RSPO2: variants seen among roughly 807,000 people sequenced by gnomAD.
The protein encoded by RSPO2 is R-spondin-2.
Under a neutral mutation model 30.9 loss-of-function variants are expected in RSPO2, and 14 were observed. The ratio of observed to expected loss-of-function variants is 0.45; its 90% CI spans 0.30 to 0.71. RSPO2 has a LOEUF of 0.71. Among genes scored for constraint, RSPO2 ranks in the 30% least tolerant of loss-of-function variants. The pLI is 0.08. For missense variants in RSPO2, 264 were observed against 301.9 expected (o/e 0.87, Z 0.93); for synonymous variants, 107 against 96.4 (o/e 1.11, Z -0.64).
At chr8:108,037,019 T>G (rs536570865) in intron 2 of RSPO2, among the ~76,000 whole-genome samples, 1 of 152,274 alleles carries the variant, frequency 6.6e-6, no homozygotes, top group Non-Finnish European at 1.5e-5. Flanking sequence ...TGCCCTGTGG[T>G]ACAACAATAT....
At chr8:108,063,398 G>C (rs1336777302) in intron 2 of RSPO2, among the ~76,000 whole-genome samples, 8 of 151,788 alleles carry the variant, frequency 5.3e-5, no homozygotes, top group East Asian at 3.9e-4. Context: ...CAGACAAAAA[G>C]AGAGCCAAAT....
At chr8:108,083,051 A>C (rs1813264799) in intron 1 of RSPO2, 146 bp downstream of exon 1, 2 of 172,078 alleles carry the variant, frequency 1.2e-5, no homozygotes, top group African/African-American at 2.4e-5. Context: ...CAGCGGCATA[A>C]TGCGTTGTGC....
At chr8:108,036,028 C>A (rs1247072984) in intron 2 of RSPO2, among the ~76,000 whole-genome samples, 1 of 152,186 alleles carries the variant, frequency 6.6e-6, no homozygotes, top group Non-Finnish European at 1.5e-5. Flanking sequence ...TATTAGACAG[C>A]AACTTTTCAG....
At chr8:107,977,067 C>CA (rs1814241997) in intron 3 of RSPO2, among the ~76,000 whole-genome samples, 1 of 152,092 alleles carries the variant, frequency 6.6e-6, no homozygotes, top group South Asian at 2.1e-4. Flanking sequence ...AAGGCTGTCC[C>CA]AAAAGCCAGC....
chr8:107,960,931 G>C, intron 3 of RSPO2, 114 bp from the exon 4 acceptor site: 1 of 735,986 alleles, frequency 1.4e-6, no homozygotes, highest in Non-Finnish European at 2.2e-6. Flanking sequence ...CTCATCATCA[G>C]AGAAATATTG....
At chr8:108,058,205 AACAG>A (rs1372602698) in intron 2 of RSPO2, among the ~76,000 whole-genome samples, 1 of 152,202 alleles carries the variant, frequency 6.6e-6, no homozygotes, top group Non-Finnish European at 1.5e-5. Context: ...ATACACCAAT[AACAG>A]ACAAACAGAG....
chr8:107,901,069 CTT>C lies in RSPO2; in HGVS notation c.*4_*5del, dbSNP rs1811443412. On this transcript the variant is annotated 3_prime_UTR_variant, in exon 6 of 6. Coordinates refer to ENST00000276659, the MANE Select transcript of RSPO2 (RefSeq NM_178565.5). The stretch of plus-strand genomic sequence containing the variant: ...AAACCCCTAAAAATCTACCGGATCT[CTT>C]GTTTTATTGGTTAGCTCTGTCTGTA... 1.2e-6 allele frequency: 2 copies of C among 1,610,362 alleles called. No individual in the cohort carries two copies. The highest frequency in any genetic ancestry group is 1.1e-5 in the South Asian group (1 of 90,142).
intron 5 of RSPO2, among the ~76,000 whole-genome samples, chr8:107,939,193 A>G (rs1039665029): frequency 6.6e-6 from 1 of 152,038 alleles, no homozygotes; most frequent in Non-Finnish European, 1.5e-5. Context: ...ATTGAGTCAT[A>G]TGGCCACCGG....
intron 5 of RSPO2, among the ~76,000 whole-genome samples, chr8:107,953,098 C>T (rs1813307919): frequency 6.6e-6 from 1 of 152,140 alleles, no homozygotes; most frequent in African/African-American, 2.4e-5. Flanking sequence ...TATGACAAAG[C>T]ATCACCTTAA....
intron 2 of RSPO2, among the ~76,000 whole-genome samples, chr8:108,048,181 G>A (rs1317775384): frequency 6.6e-6 from 1 of 151,988 alleles, no homozygotes; most frequent in African/African-American, 2.4e-5. Context: ...ACACACAGCT[G>A]TGACCTAGGA....
Position 107,901,138 on chromosome 8 carries a change from C to CTTCCT in RSPO2, c.664_668dup (p.Leu224GlyfsTer3). On this transcript the variant is annotated frameshift_variant, in exon 6 of 6. Coordinates refer to ENST00000276659, the MANE Select transcript of RSPO2 (RefSeq NM_178565.5). LOFTEE classifies it high-confidence loss of function. The stretch of plus-strand genomic sequence containing the variant: ...GTTGCTCCTGGGCCCTTTCTATCAG[C>CTTCCT]TTCCTTTTCTTTTTCTTGTTCCTCT... 1 of 1,614,100 alleles carries CTTCCT rather than the reference C, an allele frequency of 6.2e-7. No individual in the cohort carries two copies. Among genetic ancestry groups the CTTCCT allele is most frequent in the South Asian group, 1.1e-5 (1 of 91,076 alleles).
chr8:107,989,940 A>G (rs1221765463), intron 2 of RSPO2, among the ~76,000 whole-genome samples: 1 of 152,228 alleles, frequency 6.6e-6, no homozygotes, highest in East Asian at 1.9e-4. Flanking sequence ...AAATCATATG[A>G]GCAAGTAAAC....
intron 5 of RSPO2, among the ~76,000 whole-genome samples, chr8:107,910,999 G>A (rs1370144910): frequency 2.0e-5 from 3 of 152,186 alleles, no homozygotes; most frequent in African/African-American, 7.2e-5. Context: ...CATGTCAACT[G>A]AGAGTTGGAG....
chr8:108,070,992 C>A (rs1019490942), intron 2 of RSPO2, among the ~76,000 whole-genome samples: 4 of 152,122 alleles, frequency 2.6e-5, no homozygotes, highest in African/African-American at 7.2e-5. Flanking sequence ...TTTCCTTTCC[C>A]TAGGTCCAGC....
At chr8:107,976,065 C>A (rs748533195) in intron 3 of RSPO2, among the ~76,000 whole-genome samples, 12 of 152,208 alleles carry the variant, frequency 7.9e-5, no homozygotes, top group African/African-American at 1.4e-4. Flanking sequence ...CCATGAAGTG[C>A]CTTCTGCAGA....
rs998362381 is a variant in RSPO2 at position 108,083,298 on chromosome 8, GC to G, written c.-272del. 2.0e-5 allele frequency: 3 copies of G among 152,326 alleles called. No homozygotes were observed. Among genetic ancestry groups the G allele is most frequent in the African/African-American group, 7.2e-5 (3 of 41,584 alleles). 9.4% of individuals were successfully genotyped at this position (152,326 alleles called of 1,614,324 possible). On this transcript the variant is annotated 5_prime_UTR_variant, in exon 1 of 6. Coordinates refer to ENST00000276659, the MANE Select transcript of RSPO2 (RefSeq NM_178565.5). The stretch of plus-strand genomic sequence containing the variant: ...TAGCACGTGGGCTGGGGAAAAGTTT[GC>G]CGAGACCGGCTGGGAGCGCCTGGCA...
chr8:107,943,680 T>G (rs968388733), intron 5 of RSPO2, among the ~76,000 whole-genome samples: 2 of 152,220 alleles, frequency 1.3e-5, no homozygotes, highest in Non-Finnish European at 2.9e-5. Flanking sequence ...CAAAGCATAT[T>G]TGATGACTAT....
At chr8:107,946,447 G>T (rs759507950) in intron 5 of RSPO2, among the ~76,000 whole-genome samples, 2 of 152,208 alleles carry the variant, frequency 1.3e-5, no homozygotes, top group Non-Finnish European at 2.9e-5. Context: ...GTTTAGCTGT[G>T]CTTAGTTGCA....
intron 5 of RSPO2, among the ~76,000 whole-genome samples, chr8:107,945,489 C>G (rs960114885): frequency 6.6e-6 from 1 of 151,960 alleles, no homozygotes; most frequent in Non-Finnish European, 1.5e-5. Context: ...ACTTTGTGAT[C>G]TGCCTGCCTC....
Sources: gnomAD v4.1 joint callset for allele counts (sites outside exome capture counted in the v4.1 genomes callset) on GRCh38, gnomAD v4.1.1 for gene constraint, MANE v1.5 for transcripts, NCBI Gene and HGNC (gene_info 2026-07-23, HGNC 2026-07-21) for gene names.